Variants in STK4 observed in about 807,000 individuals in gnomAD.
The protein encoded by STK4 is serine/threonine-protein kinase 4.
STK4 carries 30 observed loss-of-function variants against 64.9 expected under a neutral mutation model. The observed-to-expected ratio is 0.46, with a 90% CI of 0.35 to 0.63. The LOEUF is 0.63. Among genes scored for constraint, STK4 ranks in the 20% least tolerant of loss-of-function variants. STK4 has a pLI of 0.01. For missense variants in STK4, 466 were observed against 598.5 expected (o/e 0.78, Z 2.31); for synonymous variants, 177 against 199.0 (o/e 0.89, Z 0.93).
chr20:45,031,044 A>T (rs931656583), intron 10 of STK4, among the ~76,000 whole-genome samples: 1 of 152,178 alleles, frequency 6.6e-6, no homozygotes, highest in Non-Finnish European at 1.5e-5. Flanking sequence ...CAAAAATAAA[A>T]AAAAGATGGC....
At chr20:45,007,561 CAAAA>C (rs1003893360) in intron 9 of STK4, among the ~76,000 whole-genome samples, 1 of 149,890 alleles carries the variant, frequency 6.7e-6, no homozygotes, top group African/African-American at 2.5e-5. Context: ...AACAAACAAA[CAAAA>C]AAAAGAAAGC....
chr20:45,047,690 A>T (rs1298933554), intron 10 of STK4, among the ~76,000 whole-genome samples: 1 of 152,234 alleles, frequency 6.6e-6, no homozygotes, highest in Non-Finnish European at 1.5e-5. Context: ...TTGGAAATAC[A>T]GTGTTGGGAA....
At chr20:45,023,961 C>T (rs1052318910) in intron 9 of STK4, among the ~76,000 whole-genome samples, 12 of 138,022 alleles carry the variant, frequency 8.7e-5, no homozygotes, top group African/African-American at 2.8e-4. Flanking sequence ...AGTGCAGTGG[C>T]GCGATCTCAG....
intron 10 of STK4, among the ~76,000 whole-genome samples, chr20:45,047,821 TGGGTTGGGAATCA>T (rs1201834742): frequency 6.6e-6 from 1 of 152,164 alleles, no homozygotes; most frequent in African/African-American, 2.4e-5. Context: ...AGAAGAGCAG[TGGGTTGGGAATCA>T]GGTCTCAGCT....
intron 10 of STK4, among the ~76,000 whole-genome samples, chr20:45,070,120 T>C (rs546501498): frequency 1.3e-5 from 2 of 152,320 alleles, no homozygotes; most frequent in African/African-American, 2.4e-5. Flanking sequence ...TTTGAGGATC[T>C]GAAATAAAGT....
chr20:45,063,649 C>T (rs529405597), intron 10 of STK4, among the ~76,000 whole-genome samples: 106 of 152,182 alleles, frequency 7.0e-4, no homozygotes, highest in Admixed American at 3.1e-3. Flanking sequence ...TTGGTGTCTT[C>T]GTCATGAAAT....
At position 45,040,742 on chromosome 20, in the gene STK4, C is replaced by T. The variant is rs527261061; in HGVS notation, c.1305+15612C>T. ...TGCAGTTAGGTCATTTTTTTCTAAGCCTTTTCAATGTATGAATCCAGGAAA... is the reference window on the plus strand; with the variant it reads ...TGCAGTTAGGTCATTTTTTTCTAAGTCTTTTCAATGTATGAATCCAGGAAA... On this transcript the variant is annotated intron_variant, in intron 10 of 10. Transcript: ENST00000372806. Among the ~76,000 whole-genome samples the T allele has an allele frequency of 2.6e-5, 4 of 151,902 alleles. No homozygotes were observed. The South Asian group carries it at 8.3e-4, about 32-fold the overall frequency.
At chr20:45,050,564 G>A (rs888824119) in intron 10 of STK4, among the ~76,000 whole-genome samples, 1 of 151,984 alleles carries the variant, frequency 6.6e-6, no homozygotes, top group Non-Finnish European at 1.5e-5. Flanking sequence ...ATCGTTTTTG[G>A]TATGTGAATT....
chr20:44,979,941 G>A (rs1195877204), intron 3 of STK4, among the ~76,000 whole-genome samples: 2 of 152,130 alleles, frequency 1.3e-5, no homozygotes, highest in African/African-American at 4.8e-5. Context: ...TCGATAGACT[G>A]TGCGGGAGCT....
intron 10 of STK4, among the ~76,000 whole-genome samples, chr20:45,030,976 T>G (rs1187419262): frequency 6.6e-6 from 1 of 151,956 alleles, no homozygotes; most frequent in South Asian, 2.1e-4. Flanking sequence ...GTGGAAGGTT[T>G]GCTTGAGCTC....
chr20:44,977,383 AT>A (rs36049440), intron 2 of STK4, among the ~76,000 whole-genome samples: 33 of 150,170 alleles, frequency 2.2e-4, no homozygotes, highest in African/African-American at 7.1e-4. Flanking sequence ...TGCTATTTTG[AT>A]TTTTTTTTTC....
rs761665678 is a variant in STK4 at position 45,075,127 on chromosome 20, C to A, written c.1415C>A (p.Pro472His). Reference protein sequence around the residue: ...IRQKYQSKRQPILDAIEAKKR... With the variant: ...IRQKYQSKRQHILDAIEAKKR... ...CAGAAGTACCAGTCCAAGCGGCAGC[C>A]CATCCTGGATGCCATAGAGGCTAAG... Residue 472 changes from proline (P) to histidine (H), a missense_variant, in exon 11 of 11, where the codon CCC (proline) becomes CAC (histidine). Pro to His is a moderately conservative substitution (Grantham distance 77). Around this residue, in one of 2 missense-constraint regions of STK4, gnomAD observed 276 missense variants for 308.9 expected, o/e 0.89. Transcript: ENST00000372806. 1 of 1,614,128 alleles carries A rather than the reference C, an allele frequency of 6.2e-7. No homozygotes were observed. The highest frequency in any genetic ancestry group is 8.5e-7 in the Non-Finnish European group (1 of 1,180,028).
At chr20:44,987,091 A>G (rs2067542332) in intron 4 of STK4, 41 bp from the exon 5 acceptor site, 2 of 1,518,534 alleles carry the variant, frequency 1.3e-6, no homozygotes, top group Non-Finnish European at 1.8e-6. Flanking sequence ...TAATGCGCTG[A>G]TGTAAACTGA....
chr20:45,074,601 C>T (rs1980359860), intron 10 of STK4, among the ~76,000 whole-genome samples: 1 of 152,022 alleles, frequency 6.6e-6, no homozygotes. Flanking sequence ...GTGGGAAAGG[C>T]GCTGTCCAGA....
intron 9 of STK4, among the ~76,000 whole-genome samples, chr20:45,022,057 A>T (rs1360159315): frequency 6.6e-6 from 1 of 151,092 alleles, no homozygotes; most frequent in Non-Finnish European, 1.5e-5. Context: ...ATTACTTTCC[A>T]TTTTTTTTTA....
chr20:45,028,231 G>T (rs2068386360), intron 10 of STK4, among the ~76,000 whole-genome samples: 1 of 151,496 alleles, frequency 6.6e-6, no homozygotes, highest in African/African-American at 2.4e-5. Flanking sequence ...TACCAATGGC[G>T]TATGAACATT....
intron 2 of STK4, among the ~76,000 whole-genome samples, chr20:44,976,688 A>G (rs2067343512): frequency 6.6e-6 from 1 of 152,222 alleles, no homozygotes; most frequent in Non-Finnish European, 1.5e-5. Context: ...TTTATCAAGA[A>G]TGCCTTTGGA....
intron 8 of STK4, 50 bp from the exon 9 acceptor site, chr20:45,001,117 C>CT: frequency 6.4e-7 from 1 of 1,560,254 alleles, no homozygotes; most frequent in Non-Finnish European, 8.7e-7. Flanking sequence ...TCAGAAAACT[C>CT]AAAGTCTTTT....
chr20:45,061,939 G>T (rs1409582344), intron 10 of STK4, among the ~76,000 whole-genome samples: 1 of 148,470 alleles, frequency 6.7e-6, no homozygotes, highest in African/African-American at 2.5e-5. Context: ...GAGTGCAGTG[G>T]GGCGATCTCA....
Sources: gnomAD v4.1 joint callset for allele counts (sites outside exome capture counted in the v4.1 genomes callset) on GRCh38, gnomAD v4.1.1 for gene constraint, gnomAD v4.1.1 regional missense constraint, MANE v1.5 for transcripts, NCBI Gene and HGNC (gene_info 2026-07-23, HGNC 2026-07-21) for gene names.